TBATA: variants seen among roughly 807,000 people sequenced by gnomAD.
TBATA encodes the protein protein TBATA.
TBATA carries 47 observed loss-of-function variants against 38.7 expected under a neutral mutation model. That is an observed-to-expected ratio of 1.21 (90% CI 0.96 to 1.55). The LOEUF is 1.55. Among genes scored for constraint, TBATA ranks in the 40% most tolerant of loss-of-function variants. The probability of loss-of-function intolerance (pLI) is 0.00; values close to 1 mark genes in which losing one functional copy is unlikely to be tolerated. For synonymous variants in TBATA, 183 were observed against 170.5 expected (o/e 1.07, Z -0.57); for missense variants, 436 against 435.6 (o/e 1.00, Z -0.01).
rs1354842164 is a variant in TBATA at position 70,771,335 on chromosome 10, G to C, written c.*41C>G. 1 of 1,613,998 alleles carries C rather than the reference G, an allele frequency of 6.2e-7. No homozygotes were observed. The highest frequency in any genetic ancestry group is 1.1e-5 in the South Asian group (1 of 91,076). On this transcript the variant is annotated 3_prime_UTR_variant, in exon 11 of 11. Transcript: ENST00000456372. ...AGACAGAAACACCCCTGAACCCTTGGGGCTGCTCTTGAGCAAGGCAGGTGC... is the reference window on the plus strand; with the variant it reads ...AGACAGAAACACCCCTGAACCCTTGCGGCTGCTCTTGAGCAAGGCAGGTGC...
intron 6 of TBATA, 137 bp downstream of exon 6, chr10:70,778,420 C>T (rs543603648): frequency 2.3e-6 from 2 of 881,258 alleles, no homozygotes. Flanking sequence ...CTCACTGTGA[C>T]CTTTCCCCTG....
intron 9 of TBATA, 83 bp downstream of exon 9, chr10:70,774,130 C>A (rs564432340): frequency 6.4e-7 from 1 of 1,560,232 alleles, no homozygotes; most frequent in Non-Finnish European, 8.7e-7. Context: ...CTGGTCAGCG[C>A]CAGGCTCCCT....
At chr10:70,772,859 A>AG (rs1421933856) in intron 9 of TBATA, among the ~76,000 whole-genome samples, 1 of 152,018 alleles carries the variant, frequency 6.6e-6, no homozygotes, top group East Asian at 1.9e-4. Context: ...CAGGGCATGG[A>AG]CTCTGCATCA....
chr10:70,784,265 G>A (rs963150041), intron 2 of TBATA, among the ~76,000 whole-genome samples: 1 of 152,124 alleles, frequency 6.6e-6, no homozygotes, highest in Non-Finnish European at 1.5e-5. Flanking sequence ...CAGGAGAAGC[G>A]CATATAAGGA....
intron 5 of TBATA, chr10:70,778,924 T>A: frequency 1.9e-6 from 1 of 527,422 alleles, no homozygotes; most frequent in South Asian, 2.0e-5. Context: ...GGAGAATATT[T>A]GGTTACCTGT....
At chr10:70,776,737 C>T (rs1589388296) in intron 7 of TBATA, among the ~76,000 whole-genome samples, 3 of 152,310 alleles carry the variant, frequency 2.0e-5, no homozygotes, top group South Asian at 4.1e-4. Context: ...GGGCTCTGGG[C>T]TCACTGAAGC....
intron 4 of TBATA, among the ~76,000 whole-genome samples, chr10:70,781,406 T>C (rs1844196011): frequency 6.6e-6 from 1 of 152,248 alleles, no homozygotes; most frequent in African/African-American, 2.4e-5. Context: ...TTCACTGTTG[T>C]ATCCCCAAGG....
Position 70,778,865 on chromosome 10 carries a change from G to T in TBATA, c.428-229C>A. 9.6e-6 allele frequency: 6 copies of T among 626,036 alleles called. 2 individuals are homozygous for T. The South Asian group carries it at 1.0e-4, about 11-fold the overall frequency. 38.8% of individuals were successfully genotyped at this position (626,036 alleles called of 1,614,324 possible). ...GGGGTGGGGCATTGCTTTCCTTCTA[G>T]CAGGGGCTGATGTTGATGTCCTAGC... On this transcript the variant is annotated intron_variant, in intron 5 of 10. Transcript: ENST00000456372.
At position 70,781,724 on chromosome 10, in the gene TBATA, A is replaced by G. The variant is rs1350971952; in HGVS notation, c.277+77T>C. On this transcript the variant is annotated intron_variant, in intron 4 of 10. Coordinates refer to ENST00000456372, the MANE Select transcript of TBATA (RefSeq NM_001318241.2). ...GGCCCCAGCCTGGAAATGGGCTGCC[A>G]TCAATTCTTGCTTCCCAGTTCTCAA... is the stretch of plus-strand genomic sequence containing the variant. 6 of 1,374,986 alleles carry G rather than the reference A, an allele frequency of 4.4e-6. No individual in the cohort carries two copies. In the East Asian group the frequency reaches 1.2e-4, roughly 27 times the overall value. The allele number at this position is 1,374,986 out of a possible 1,614,324, so 85.2% of individuals were successfully genotyped here. A position where few individuals can be genotyped will look rare whatever the true frequency, so the allele number is the denominator to read the frequency against.
At chr10:70,773,715 G>C (rs568572193) in intron 9 of TBATA, among the ~76,000 whole-genome samples, 13 of 152,194 alleles carry the variant, frequency 8.5e-5, no homozygotes, top group African/African-American at 3.1e-4. Context: ...CTAGAAAAAC[G>C]TGGAACACCC....
intron 4 of TBATA, among the ~76,000 whole-genome samples, chr10:70,780,142 A>G (rs1430625849): frequency 2.6e-5 from 4 of 152,190 alleles, no homozygotes; most frequent in African/African-American, 9.7e-5. Flanking sequence ...ACAGTTCATG[A>G]TGGGAGAGGC....
At chr10:70,782,356 C>T in intron 3 of TBATA, 1 of 1,381,374 alleles carries the variant, frequency 7.2e-7, no homozygotes, top group Non-Finnish European at 9.5e-7. Context: ...GACCCACCTA[C>T]TCATCAAAAT....
At chr10:70,775,303 G>T (rs1181724276) in intron 7 of TBATA, 33 bp from the exon 8 acceptor site, 3 of 1,588,452 alleles carry the variant, frequency 1.9e-6, no homozygotes, top group Non-Finnish European at 2.6e-6. Context: ...TTCCAGCCAG[G>T]AGTACAGGCA....
intron 4 of TBATA, among the ~76,000 whole-genome samples, chr10:70,780,112 T>C (rs1454327719): frequency 6.6e-6 from 1 of 152,130 alleles, no homozygotes; most frequent in African/African-American, 2.4e-5. Flanking sequence ...ATGAGAATGC[T>C]GGGGCGAGGG....
intron 9 of TBATA, among the ~76,000 whole-genome samples, chr10:70,773,605 CAGTCAGGTT>C (rs1843012798): frequency 6.6e-6 from 1 of 152,210 alleles, no homozygotes; most frequent in South Asian, 2.1e-4. Context: ...TTCTGCCGAC[CAGTCAGGTT>C]ACTTTGGGTA....
Position 70,781,811 on chromosome 10 carries a change from G to C in TBATA, c.267C>G (p.Thr89=). Residue 89 remains threonine, a synonymous_variant, in exon 4 of 11, where the codon ACC becomes ACG. Coordinates refer to ENST00000456372, the MANE Select transcript of TBATA (RefSeq NM_001318241.2). The part of the protein sequence containing the change: ...SRHHPHPQHV[T]HIQDLTGKPV... ...CCAGCCAGGCCCTACCTTGGATGTG[G>C]GTCACGTGCTGGGGGTGTGGGTGGT... 1 of 1,613,964 alleles carries C rather than the reference G, an allele frequency of 6.2e-7. No homozygotes were observed. The highest frequency in any genetic ancestry group is 8.5e-7 in the Non-Finnish European group (1 of 1,179,838).
chr10:70,780,066 G>A (rs557038499), intron 4 of TBATA, among the ~76,000 whole-genome samples: 17 of 152,212 alleles, frequency 1.1e-4, no homozygotes, highest in African/African-American at 2.4e-4. Flanking sequence ...ACAAATTGCC[G>A]ATGTGAGTAC....
intron 6 of TBATA, among the ~76,000 whole-genome samples, 155 bp from the exon 7 acceptor site, chr10:70,777,493 C>T (rs980484053): frequency 6.6e-5 from 9 of 136,726 alleles, no homozygotes; most frequent in Non-Finnish European, 8.1e-5. Context: ...AGGGTATCAT[C>T]CAGCTCTGCC....
intron 9 of TBATA, 104 bp downstream of exon 9, chr10:70,774,109 C>A: frequency 1.4e-6 from 2 of 1,467,490 alleles, no homozygotes. Context: ...CAGACTTAGT[C>A]AGCCCAGACC....
Sources: allele counts gnomAD v4.1 joint callset (sites outside exome capture counted in the v4.1 genomes callset), GRCh38; gene constraint gnomAD v4.1.1; transcripts MANE v1.5; gene names NCBI Gene and HGNC (gene_info 2026-07-23, HGNC 2026-07-21).